Variants in ABCC2 observed in about 807,000 individuals in gnomAD.
ABCC2 encodes ATP-binding cassette sub-family C member 2.
Under a neutral mutation model 173.4 loss-of-function variants are expected in ABCC2, and 157 were observed. That is an observed-to-expected ratio of 0.91 (90% CI 0.80 to 1.03). The LOEUF is 1.03. ABCC2 is among the 50% of genes least tolerant of loss of function. ABCC2 has a pLI of 0.00. For missense variants in ABCC2, 1,822 were observed against 1,852.3 expected, an observed-to-expected ratio of 0.98 and a Z score of 0.30; for synonymous variants, 657 against 693.5, an observed-to-expected ratio of 0.95 and a Z score of 0.83.
chr10:99,807,650 C>T, intron 12 of ABCC2, 129 bp downstream of exon 12: 1 of 1,307,392 alleles, frequency 7.6e-7, no homozygotes, highest in Non-Finnish European at 1.1e-6. Flanking sequence ...GGGACTTGTC[C>T]CTCTCACCGC....
At chr10:99,834,189 G>A (rs2038782926) in intron 23 of ABCC2, among the ~76,000 whole-genome samples, 191 bp from the exon 24 acceptor site, 1 of 152,160 alleles carries the variant, frequency 6.6e-6, no homozygotes, top group Admixed American at 6.5e-5. Context: ...CCTAAATGAA[G>A]AAATTATGGA....
chr10:99,784,625 C>T lies in ABCC2; in HGVS notation c.51C>T (p.Asp17=). ...GTCTCCAGAATTCCTCATTCCTGGA[C>T]AGTCCGGAGGCAGACCTGCCACTTT... is the stretch of plus-strand genomic sequence containing the variant. ...NSTFWNSSFL[D]SPEADLPLCF... Residue 17 remains aspartate, a synonymous_variant, in exon 2 of 32, where the codon GAC becomes GAT. Coordinates refer to ENST00000647814, the MANE Select transcript of ABCC2 (RefSeq NM_000392.5). 2.5e-6 allele frequency: 4 copies of T among 1,614,162 alleles called. No homozygotes were observed. Among genetic ancestry groups the T allele is most frequent in the Non-Finnish European group, 3.4e-6 (4 of 1,180,030 alleles).
At chr10:99,814,466 C>CAAACAT (rs1391887614) in intron 16 of ABCC2, among the ~76,000 whole-genome samples, 5 of 62,162 alleles carry the variant, frequency 8.0e-5, no homozygotes, top group East Asian at 7.6e-4. Flanking sequence ...TACATACACA[C>CAAACAT]ATATGTGTGT....
chr10:99,806,073 C>CTCTCTCTCTG (rs779146023), intron 11 of ABCC2, among the ~76,000 whole-genome samples: 3 of 42,910 alleles, frequency 7.0e-5, no homozygotes, highest in Non-Finnish European at 1.3e-4. Context: ...CTCTCTCTCT[C>CTCTCTCTCTG]TGTCTGTGTG....
chr10:99,843,312 G>A (rs766068458), intron 26 of ABCC2, among the ~76,000 whole-genome samples: 5 of 152,180 alleles, frequency 3.3e-5, no homozygotes, highest in Admixed American at 6.5e-5. Flanking sequence ...CCATGATTCC[G>A]TCCTCTGCTT....
chr10:99,827,082 T>C (rs1015289144), intron 19 of ABCC2, among the ~76,000 whole-genome samples: 1 of 151,674 alleles, frequency 6.6e-6, no homozygotes, highest in Non-Finnish European at 1.5e-5. Flanking sequence ...AGTGGGCGGC[T>C]GAGGGTATGG....
Position 99,844,429 on chromosome 10 carries a change from C to A in ABCC2, c.3951C>A (p.Leu1317=). Residue 1317 remains leucine (L), a synonymous_variant, in exon 28 of 32, where the codon CTC becomes CTA. Transcript: ENST00000647814. ...ACCGACCTGAGCTGGATCTGGTCCT[C>A]AGAGGGATCACTTGTGACATCGGTA... ...VRYRPELDLV[L]RGITCDIGSM... 6.2e-7 allele frequency: 1 copy of A among 1,614,160 alleles called. No individual in the cohort carries two copies. The highest frequency in any genetic ancestry group is 8.5e-7 in the Non-Finnish European group (1 of 1,180,054).
At chr10:99,795,560 A>G (rs1306817710) in intron 6 of ABCC2, among the ~76,000 whole-genome samples, 4 of 152,004 alleles carry the variant, frequency 2.6e-5, no homozygotes, top group African/African-American at 7.2e-5. Context: ...TTAGCCTGGC[A>G]TGGTGGCATG....
intron 16 of ABCC2, among the ~76,000 whole-genome samples, chr10:99,814,739 GTATA>G (rs1352293626): frequency 3.5e-5 from 5 of 142,280 alleles, no homozygotes; most frequent in Admixed American, 3.4e-4. Flanking sequence ...GTGTGTATGT[GTATA>G]TGTATGTATA....
intron 14 of ABCC2, among the ~76,000 whole-genome samples, chr10:99,810,774 C>T (rs1389121354): frequency 6.6e-6 from 1 of 152,124 alleles, no homozygotes; most frequent in Non-Finnish European, 1.5e-5. Context: ...CCTGTAATCC[C>T]AGCATTTTGG....
intron 25 of ABCC2, among the ~76,000 whole-genome samples, chr10:99,841,538 G>A (rs1301559811): frequency 6.6e-6 from 1 of 152,118 alleles, no homozygotes; most frequent in East Asian, 1.9e-4. Flanking sequence ...CTTGGTGACA[G>A]AGCAAGACCT....
At chr10:99,799,586 G>A (rs911359177) in intron 8 of ABCC2, among the ~76,000 whole-genome samples, 31 of 152,116 alleles carry the variant, frequency 2.0e-4, no homozygotes, top group African/African-American at 7.5e-4. Context: ...TCTTTTCCAT[G>A]TCTGTCTCCT....
At chr10:99,799,118 C>T (rs2037968205) in intron 7 of ABCC2, 89 bp from the exon 8 acceptor site, 2 of 1,465,530 alleles carry the variant, frequency 1.4e-6, no homozygotes, top group Middle Eastern at 2.1e-4. Flanking sequence ...CAGAGAAGGC[C>T]ACGGGGCTCA....
At chr10:99,808,002 A>C (rs1463844122) in intron 12 of ABCC2, 81 bp from the exon 13 acceptor site, 1 of 1,540,624 alleles carries the variant, frequency 6.5e-7, no homozygotes, top group Non-Finnish European at 8.9e-7. Flanking sequence ...TTCAACTCTG[A>C]TATATGGTGT....
Position 99,805,438 on chromosome 10 carries a change from T to C in ABCC2, c.1521T>C (p.Ser507=), listed in dbSNP as rs1423149524. 6.2e-7 allele frequency: 1 copy of C among 1,613,754 alleles called. No homozygotes were observed. Among genetic ancestry groups the C allele is most frequent in the East Asian group, 2.2e-5 (1 of 44,892 alleles). ...TAAAGATCATGAATGAGATTCTTAGTGGAATCAAGGTGAGAATCTGAGCGT... is the reference window on the plus strand; with the variant it reads ...TAAAGATCATGAATGAGATTCTTAGCGGAATCAAGGTGAGAATCTGAGCGT... ...KRLKIMNEIL[S]GIKILKYFAW... Residue 507 remains serine, a synonymous_variant, in exon 11 of 32, where the codon AGT becomes AGC. Transcript: ENST00000647814.
rs776821142 is a variant in ABCC2 at position 99,805,462 on chromosome 10, G to A, written c.1530+15G>A. The A allele has an allele frequency of 2.2e-5, 36 of 1,612,954 alleles. No individual in the cohort carries two copies. Among genetic ancestry groups the A allele is most frequent in the South Asian group, 3.3e-5 (3 of 91,042 alleles). On this transcript the variant is annotated intron_variant, in intron 11 of 31. Coordinates refer to ENST00000647814, the MANE Select transcript of ABCC2 (RefSeq NM_000392.5). Reference sequence around the variant, plus strand: ...GTGGAATCAAGGTGAGAATCTGAGCGTAGGTGGCTCTCTGTGGGTAAGGAC... The same window carrying A: ...GTGGAATCAAGGTGAGAATCTGAGCATAGGTGGCTCTCTGTGGGTAAGGAC...
chr10:99,810,238 G>T lies in ABCC2; in HGVS notation c.1900+20G>T, dbSNP rs1425948726. 4 of 1,606,702 alleles carry T rather than the reference G, an allele frequency of 2.5e-6. No individual in the cohort carries two copies. In the South Asian group the frequency reaches 3.3e-5, roughly 13 times the overall value. ...ATTTTGGTAAATAAATTTGGAAGTT[G>T]CTTCCCAAACTTATTCGCAGTACTG... On this transcript the variant is annotated intron_variant, in intron 14 of 31. Coordinates refer to ENST00000647814, the MANE Select transcript of ABCC2 (RefSeq NM_000392.5).
rs975788704 is a variant in ABCC2 at position 99,792,378 on chromosome 10, C to G, written c.333+19C>G. On this transcript the variant is annotated intron_variant, in intron 3 of 31. Transcript: ENST00000647814. ...CACATGGGTAAGACCTATACCACTT[C>G]TGCCCTGTTTACCTTTTCATTACCC... 6.2e-7 allele frequency: 1 copy of G among 1,613,556 alleles called. No individual in the cohort carries two copies. The highest frequency in any genetic ancestry group is 2.2e-5 in the East Asian group (1 of 44,858).
In ABCC2 at chr10:99,851,570, G is replaced by C; in HGVS notation, c.4577G>C (p.Gly1526Ala). Residue 1526 changes from glycine (G) to alanine (A), a missense_variant, in exon 32 of 32, where the codon GGA becomes GCA. Gly to Ala is a moderately conservative substitution (Grantham distance 60). Coordinates refer to ENST00000647814, the MANE Select transcript of ABCC2 (RefSeq NM_000392.5). ...GSPEELLQIP[G>A]PFYFMAKEAG... The stretch of plus-strand genomic sequence containing the variant: ...CCTGAAGAACTGCTACAAATCCCTG[G>C]ACCCTTTTACTTTATGGCTAAGGAA... 6.2e-7 allele frequency: 1 copy of C among 1,614,156 alleles called. No individual in the cohort carries two copies.
Sources: allele counts gnomAD v4.1 joint callset (sites outside exome capture counted in the v4.1 genomes callset), GRCh38; gene constraint gnomAD v4.1.1; transcripts MANE v1.5; gene names NCBI Gene and HGNC (gene_info 2026-07-23, HGNC 2026-07-21).